Variants in LRRC58 observed in about 807,000 individuals in gnomAD.
LRRC58 encodes the protein leucine rich repeat containing 58.
A neutral mutation model predicts 30.6 loss-of-function variants in LRRC58; 18 were observed. The ratio of observed to expected loss-of-function variants is 0.59; its 90% CI spans 0.41 to 0.87. The LOEUF is 0.87. Among genes scored for constraint, LRRC58 ranks in the 40% least tolerant of loss-of-function variants. The pLI, the probability that LRRC58 is intolerant of heterozygous loss-of-function variation, is 0.00. For missense variants in LRRC58, 420 were observed against 468.4 expected (o/e 0.90, Z 0.95); for synonymous variants, 221 against 206.0 (o/e 1.07, Z -0.62).
intron 1 of LRRC58, among the ~76,000 whole-genome samples, chr3:120,339,021 GTAT>G (rs1270341052): frequency 6.6e-6 from 1 of 152,120 alleles, no homozygotes; most frequent in Non-Finnish European, 1.5e-5. Context: ...ACTTATTGGT[GTAT>G]TTTTATTTTA....
intron 1 of LRRC58, among the ~76,000 whole-genome samples, chr3:120,347,642 T>G (rs915964129): frequency 2.7e-5 from 4 of 150,932 alleles, no homozygotes; most frequent in African/African-American, 9.7e-5. Context: ...CCACCTGCCT[T>G]GGCCTCCCAA....
rs1026529978 is a variant in LRRC58 at position 120,328,427 on chromosome 3, G to T, written c.*2773C>A. ...AGAATGCCATTCTAAATATATTAAT[G>T]TTATGCTTAGGCAGTTTTATCCATA... On this transcript the variant is annotated 3_prime_UTR_variant, in exon 4 of 4. Coordinates refer to ENST00000295628, the MANE Select transcript of LRRC58 (RefSeq NM_001099678.2). 3.9e-5 allele frequency: 6 copies of T among 152,130 alleles called. No individual in the cohort carries two copies. The East Asian group carries it at 9.6e-4, about 24-fold the overall frequency. 9.4% of individuals were successfully genotyped at this position (152,130 alleles called of 1,614,324 possible). A position where few individuals can be genotyped will look rare whatever the true frequency, so the allele number is the denominator to read the frequency against.
intron 1 of LRRC58, among the ~76,000 whole-genome samples, chr3:120,348,360 C>A (rs1457553919): frequency 6.6e-6 from 1 of 152,160 alleles, no homozygotes; most frequent in Non-Finnish European, 1.5e-5. Flanking sequence ...GCACCTTGTA[C>A]GCCACGCTCA....
At chr3:120,339,975 C>T (rs1181523364) in intron 1 of LRRC58, among the ~76,000 whole-genome samples, 1 of 152,154 alleles carries the variant, frequency 6.6e-6, no homozygotes, top group Non-Finnish European at 1.5e-5. Context: ...GCAATTCTAC[C>T]TCAGCCTCCC....
rs1559992071 is a variant in LRRC58 at position 120,328,527 on chromosome 3, TTC to T, written c.*2671_*2672del. 6.6e-6 allele frequency: 1 copy of T among 152,248 alleles called. No homozygotes were observed. Among genetic ancestry groups the T allele is most frequent in the African/African-American group, 2.4e-5 (1 of 41,464 alleles). 9.4% of individuals were successfully genotyped at this position (152,248 alleles called of 1,614,324 possible). A position where few individuals can be genotyped will look rare whatever the true frequency, so the allele number is the denominator to read the frequency against. On this transcript the variant is annotated 3_prime_UTR_variant, in exon 4 of 4. Coordinates refer to ENST00000295628, the MANE Select transcript of LRRC58 (RefSeq NM_001099678.2). ...CATTATAAAAATTAGACTTCGCTAA[TTC>T]TGTCTTTTAAAAACCCCAATTAAAG...
At chr3:120,333,169 G>A (rs1414345125) in intron 3 of LRRC58, among the ~76,000 whole-genome samples, 1 of 151,880 alleles carries the variant, frequency 6.6e-6, no homozygotes, top group African/African-American at 2.4e-5. Flanking sequence ...AGACAGGCAT[G>A]AGCCACCACA....
chr3:120,328,022 T>C lies in LRRC58; in HGVS notation c.*3178A>G, dbSNP rs1935705979. On this transcript the variant is annotated 3_prime_UTR_variant, in exon 4 of 4. Transcript: ENST00000295628. The stretch of plus-strand genomic sequence containing the variant: ...TCGGCCTCCCAAAGTGCTAAGATTA[T>C]AGGTGTGTGCCACCGTGCCAAGTCT... 1 of 152,218 alleles carries C rather than the reference T, an allele frequency of 6.6e-6. No homozygotes were observed. The highest frequency in any genetic ancestry group is 2.4e-5 in the African/African-American group (1 of 41,472). The allele number at this position is 152,218 out of a possible 1,614,324, so 9.4% of individuals were successfully genotyped here. A position where few individuals can be genotyped will look rare whatever the true frequency, so the allele number is the denominator to read the frequency against.
intron 1 of LRRC58, among the ~76,000 whole-genome samples, chr3:120,341,014 G>A (rs1935898597): frequency 6.6e-6 from 1 of 152,136 alleles, no homozygotes; most frequent in South Asian, 2.1e-4. Context: ...GAAAAAGTAA[G>A]CAGATAACTT....
rs1936019961 is a variant in LRRC58 at position 120,349,121 on chromosome 3, C to A, written c.123G>T (p.Gly41=). Residue 41 remains glycine (G), a synonymous_variant, in exon 1 of 4, where the codon GGG becomes GGT. Transcript: ENST00000295628. ...GCAGCCGCAGCAGCGCCTCCCGCGC[C>A]CCGCGCCGCTCCTCCCCCCGCGCCT... ...ELEARGEERR[G]AREALLRLLL... The A allele has an allele frequency of 6.6e-7, 1 of 1,508,870 alleles. No individual in the cohort carries two copies. Among genetic ancestry groups the A allele is most frequent in the Admixed American group, 2.1e-5 (1 of 48,014 alleles). 93.5% of individuals were successfully genotyped at this position (1,508,870 alleles called of 1,614,324 possible).
intron 3 of LRRC58, 81 bp from the exon 4 acceptor site, chr3:120,331,489 G>T: frequency 7.6e-6 from 8 of 1,047,492 alleles, no homozygotes; most frequent in Non-Finnish European, 1.2e-5. Flanking sequence ...CAGTGTTCTG[G>T]AGAAATGTCA....
intron 1 of LRRC58, among the ~76,000 whole-genome samples, chr3:120,346,836 C>G (rs1404681858): frequency 1.3e-5 from 2 of 152,172 alleles, no homozygotes; most frequent in African/African-American, 2.4e-5. Context: ...ATCTCTTCAC[C>G]CTCTCCTCAC....
At chr3:120,337,015 A>G (rs1935845103) in intron 1 of LRRC58, among the ~76,000 whole-genome samples, 1 of 151,746 alleles carries the variant, frequency 6.6e-6, no homozygotes, top group South Asian at 2.1e-4. Flanking sequence ...ATGTGGGAGA[A>G]AACAGCCTAC....
rs947804953 is a variant in LRRC58 at position 120,348,961 on chromosome 3, T to C, written c.283A>G (p.Thr95Ala). Residue 95 changes from threonine to alanine, a missense_variant, in exon 1 of 4, where the codon ACG becomes GCG. Coordinates refer to ENST00000295628, the MANE Select transcript of LRRC58 (RefSeq NM_001099678.2). ...PELLALRGLR[T>A]LLAKNNRLGG... ...AGCCGGTTGTTCTTGGCCAGCAGCG[T>C]GCGCAGGCCGCGCAGAGCGAGCAGC... 1.3e-6 allele frequency: 2 copies of C among 1,543,600 alleles called. No homozygotes were observed. Among genetic ancestry groups the C allele is most frequent in the Non-Finnish European group, 1.7e-6 (2 of 1,147,630 alleles).
intron 3 of LRRC58, among the ~76,000 whole-genome samples, 151 bp from the exon 4 acceptor site, chr3:120,331,559 T>C (rs1253138579): frequency 6.6e-6 from 1 of 152,224 alleles, no homozygotes; most frequent in Non-Finnish European, 1.5e-5. Context: ...TAGCTGTCTA[T>C]AAGCCTACTG....
chr3:120,341,449 G>A (rs1042115494), intron 1 of LRRC58, among the ~76,000 whole-genome samples: 1 of 152,184 alleles, frequency 6.6e-6, no homozygotes, highest in Non-Finnish European at 1.5e-5. Flanking sequence ...GGAAGAGTGA[G>A]TCTGAGGGCA....
chr3:120,349,229 T>G lies in LRRC58; in HGVS notation c.15A>C (p.Gly5=), dbSNP rs1168514064. The G allele has an allele frequency of 2.1e-6, 3 of 1,404,422 alleles. No homozygotes were observed. The highest frequency in any genetic ancestry group is 2.8e-6 in the Non-Finnish European group (3 of 1,085,808). The allele number at this position is 1,404,422 out of a possible 1,614,324, so 87.0% of individuals were successfully genotyped here. A position where few individuals can be genotyped will look rare whatever the true frequency, so the allele number is the denominator to read the frequency against. The change falls in exon 1 of 4, where the codon GGA becomes GGC. Residue 5 remains glycine (G), a synonymous_variant. Transcript: ENST00000295628. Reference sequence around the variant, plus strand: ...CCTCCCCGGCCGTGACCACCGCTGCTCCGGCCTCCTCCATCCTGGCCACCG... The same window carrying G: ...CCTCCCCGGCCGTGACCACCGCTGCGCCGGCCTCCTCCATCCTGGCCACCG... MEEA[G]AAVVTAGEAE...
At chr3:120,338,454 GAAGA>G (rs945645693) in intron 1 of LRRC58, among the ~76,000 whole-genome samples, 7 of 152,196 alleles carry the variant, frequency 4.6e-5, no homozygotes, top group Non-Finnish European at 1.0e-4. Context: ...ATTTTAGTGA[GAAGA>G]CAGACAATAA....
chr3:120,331,004 T>TA lies in LRRC58; in HGVS notation c.*195dup. ...TGAAACTATCATTCACAAATTATGT[T>TA]AAAATAATCTAAACATGGGACTGGA... On this transcript the variant is annotated 3_prime_UTR_variant, in exon 4 of 4. Coordinates refer to ENST00000295628, the MANE Select transcript of LRRC58 (RefSeq NM_001099678.2). 1 of 572,436 alleles carries TA rather than the reference T, an allele frequency of 1.7e-6. No homozygotes were observed. The highest frequency in any genetic ancestry group is 3.2e-6 in the Non-Finnish European group (1 of 317,124). 35.5% of individuals were successfully genotyped at this position (572,436 alleles called of 1,614,324 possible).
chr3:120,347,670 C>G (rs1016173377), intron 1 of LRRC58, among the ~76,000 whole-genome samples: 3 of 151,180 alleles, frequency 2.0e-5, no homozygotes, highest in Non-Finnish European at 4.4e-5. Flanking sequence ...GGATTACAGG[C>G]GTGAGCCACC....
Sources: gnomAD v4.1 joint callset for allele counts (sites outside exome capture counted in the v4.1 genomes callset) on GRCh38, gnomAD v4.1.1 for gene constraint, MANE v1.5 for transcripts, NCBI Gene and HGNC (gene_info 2026-07-23, HGNC 2026-07-21) for gene names.